The following EYS variants were observed in gnomAD, a reference collection of about 807,000 sequenced individuals.
The protein encoded by EYS is protein eyes shut homolog.
A neutral mutation model predicts 282.1 loss-of-function variants in EYS; 250 were observed. That is an observed-to-expected ratio of 0.89 (90% confidence interval 0.80 to 0.98). The LOEUF (loss-of-function observed/expected upper bound fraction) is 0.98. EYS is among the 50% of genes least tolerant of loss of function. The pLI is 0.00. For synonymous variants in EYS, 1,355 were observed against 1,282.9 expected (o/e 1.06, Z -1.20); for missense variants, 4,016 against 3,709.0 (o/e 1.08, Z -2.15).
chr6:64,098,180 C>G lies in EYS; in HGVS notation c.6425-16178G>C, dbSNP rs544390329. The stretch of plus-strand genomic sequence containing the variant: ...CGTTTTCCTAGATATTTCTAGATCT[C>G]TTGCAAATGTACTCAAGGAAGCATA... On this transcript the variant is annotated intron_variant, in intron 31 of 42. Coordinates refer to ENST00000503581, the MANE Select transcript of EYS (RefSeq NM_001142800.2). Among the ~76,000 whole-genome samples the G allele has an allele frequency of 5.3e-4, 81 of 152,194 alleles. 1 individual carries two copies. In the Middle Eastern group the frequency reaches 0.014, roughly 26 times the overall value.
chr6:65,393,364 C>T (rs953857019), intron 7 of EYS, among the ~76,000 whole-genome samples: 5 of 151,832 alleles, frequency 3.3e-5, no homozygotes, highest in Non-Finnish European at 7.4e-5. Context: ...TGATTTCAAG[C>T]AAAGAAAAAT....
intron 33 of EYS, among the ~76,000 whole-genome samples, chr6:64,029,467 G>T (rs115977475): frequency 0.028 from 4,309 of 152,188 alleles, 200 homozygotes; most frequent in African/African-American, 0.097. Flanking sequence ...TCGGACAACC[G>T]CCTACTTAGA....
At chr6:64,703,429 A>ATATATATTT (rs869208549) in intron 22 of EYS, among the ~76,000 whole-genome samples, 1 of 23,364 alleles carries the variant, frequency 4.3e-5, no homozygotes, top group Non-Finnish European at 1.1e-4. Flanking sequence ...ATATATATAT[A>ATATATATTT]TTTTTTTTTT....
rs141076847 is a variant in EYS at position 64,648,052 on chromosome 6, C to T, written c.3444-21807G>A. Among the ~76,000 whole-genome samples the T allele has an allele frequency of 4.6e-5, 7 of 152,272 alleles. No individual in the cohort carries two copies. The East Asian group carries it at 1.4e-3, about 29-fold the overall frequency. On this transcript the variant is annotated intron_variant, in intron 22 of 42. Coordinates refer to ENST00000503581, the MANE Select transcript of EYS (RefSeq NM_001142800.2). ...TGTATAGCCAGTTATGCTTAAATGG[C>T]TGATTAATTAATCATGTATTTTGCA...
intron 13 of EYS, among the ~76,000 whole-genome samples, chr6:65,053,403 C>A (rs1773328777): frequency 6.6e-6 from 1 of 151,650 alleles, no homozygotes; most frequent in Admixed American, 6.6e-5. Flanking sequence ...TATTATTATG[C>A]TACACATTTT....
chr6:64,675,650 G>A (rs1465566012), intron 22 of EYS, among the ~76,000 whole-genome samples: 2 of 151,496 alleles, frequency 1.3e-5, no homozygotes, highest in African/African-American at 2.4e-5. Context: ...GGCTGATCTC[G>A]AACTTTACCT....
intron 1 of EYS, among the ~76,000 whole-genome samples, chr6:65,657,807 C>T (rs1171355090): frequency 1.3e-5 from 2 of 151,700 alleles, no homozygotes; most frequent in Admixed American, 6.6e-5. Flanking sequence ...AATAGCATTG[C>T]GTGCTACAGA....
intron 2 of EYS, among the ~76,000 whole-genome samples, chr6:65,629,958 G>A (rs1766855497): frequency 6.6e-6 from 1 of 152,134 alleles, no homozygotes; most frequent in South Asian, 2.1e-4. Context: ...TTTAAGTGAA[G>A]ACAAGAAGGA....
At chr6:65,443,741 CAT>C (rs1325928868) in intron 5 of EYS, among the ~76,000 whole-genome samples, 2 of 150,524 alleles carry the variant, frequency 1.3e-5, no homozygotes, top group African/African-American at 4.9e-5. Context: ...TGCATATACA[CAT>C]ATATACACAT....
At chr6:65,459,953 G>C (rs1235154039) in intron 5 of EYS, among the ~76,000 whole-genome samples, 2 of 123,058 alleles carry the variant, frequency 1.6e-5, no homozygotes, top group Admixed American at 9.7e-5. Flanking sequence ...GTGTGTGTGT[G>C]TGTGTTTGTG....
At chr6:64,977,778 A>T (rs1403548491) in intron 14 of EYS, among the ~76,000 whole-genome samples, 1 of 151,894 alleles carries the variant, frequency 6.6e-6, no homozygotes. Flanking sequence ...TGAAAGTTTT[A>T]GTAATCTGGA....
intron 36 of EYS, among the ~76,000 whole-genome samples, chr6:63,816,542 G>A (rs927130194): frequency 4.6e-5 from 7 of 152,212 alleles, no homozygotes; most frequent in African/African-American, 1.2e-4. Flanking sequence ...AACATAGGTA[G>A]CTCAAATACT....
intron 22 of EYS, among the ~76,000 whole-genome samples, chr6:64,805,034 T>A (rs1351880493): frequency 6.6e-6 from 1 of 152,070 alleles, no homozygotes; most frequent in Non-Finnish European, 1.5e-5. Flanking sequence ...TTAAGTTATA[T>A]AATAATTAGA....
intron 2 of EYS, among the ~76,000 whole-genome samples, chr6:65,517,104 T>C (rs531970454): frequency 2.0e-5 from 3 of 152,050 alleles, no homozygotes; most frequent in South Asian, 2.1e-4. Context: ...AGCTATAACA[T>C]GATATTAATG....
At chr6:65,148,795 T>C (rs1317351840) in intron 12 of EYS, among the ~76,000 whole-genome samples, 2 of 152,106 alleles carry the variant, frequency 1.3e-5, no homozygotes, top group Non-Finnish European at 1.5e-5. Flanking sequence ...CTCTGAAACC[T>C]AGGCAGAGTT....
intron 26 of EYS, among the ~76,000 whole-genome samples, chr6:64,472,393 A>AT (rs1331741786): frequency 6.6e-6 from 1 of 152,198 alleles, no homozygotes; most frequent in Non-Finnish European, 1.5e-5. Context: ...AAGTGTGGTG[A>AT]TAAGAATGCA....
chr6:64,879,905 A>G (rs1766862503), intron 19 of EYS, among the ~76,000 whole-genome samples: 1 of 152,054 alleles, frequency 6.6e-6, no homozygotes, highest in Admixed American at 6.6e-5. Context: ...ATTTAGAAAT[A>G]TAGAGGTAAA....
At chr6:64,498,756 G>C (rs1776959163) in intron 26 of EYS, among the ~76,000 whole-genome samples, 2 of 151,978 alleles carry the variant, frequency 1.3e-5, no homozygotes, top group Admixed American at 6.6e-5. Context: ...TGAGGATGAT[G>C]GTTTCCAGCT....
intron 12 of EYS, among the ~76,000 whole-genome samples, chr6:65,078,276 C>T (rs1043778352): frequency 2.2e-4 from 33 of 152,012 alleles, no homozygotes; most frequent in Admixed American, 2.2e-3. Flanking sequence ...AAACAAATTT[C>T]AAATTTGAGA....
Sources: gnomAD v4.1 joint callset for allele counts (sites outside exome capture counted in the v4.1 genomes callset) on GRCh38, gnomAD v4.1.1 for gene constraint, MANE v1.5 for transcripts, NCBI Gene and HGNC (gene_info 2026-07-23, HGNC 2026-07-21) for gene names.